Variants in SLC44A1 observed in about 807,000 individuals in gnomAD.
The protein encoded by SLC44A1 is solute carrier family 44 member 1.
A neutral mutation model predicts 79.3 loss-of-function variants in SLC44A1; 26 were observed. That is an observed-to-expected ratio of 0.33 (90% CI 0.24 to 0.46). The LOEUF is 0.46. SLC44A1 is among the 20% of genes least tolerant of loss of function. SLC44A1 has a pLI of 1.00. For synonymous variants in SLC44A1, 263 were observed against 286.2 expected, an observed-to-expected ratio of 0.92 and a Z score of 0.82; for missense variants, 688 against 798.1, an observed-to-expected ratio of 0.86 and a Z score of 1.66.
chr9:105,354,294 C>T (rs966347717), intron 5 of SLC44A1, among the ~76,000 whole-genome samples: 3 of 151,786 alleles, frequency 2.0e-5, no homozygotes, highest in Admixed American at 6.6e-5. Context: ...TCGTGATCCG[C>T]CCGCCTCGGC....
intron 1 of SLC44A1, among the ~76,000 whole-genome samples, chr9:105,293,657 G>GT (rs1471644415): frequency 6.6e-6 from 1 of 152,188 alleles, no homozygotes; most frequent in African/African-American, 2.4e-5. Context: ...GATCCCTCCA[G>GT]TGACGGCTAA....
intron 1 of SLC44A1, among the ~76,000 whole-genome samples, chr9:105,246,157 T>A (rs1829440450): frequency 6.6e-6 from 1 of 152,162 alleles, no homozygotes; most frequent in Non-Finnish European, 1.5e-5. Context: ...AACGCTAGTT[T>A]GGGGGGAAAA....
At chr9:105,244,927 C>A in intron 1 of SLC44A1, 23 bp downstream of exon 1, 1 of 1,171,436 alleles carries the variant, frequency 8.5e-7, no homozygotes, top group Non-Finnish European at 1.1e-6. Flanking sequence ...CGCCTCCCGG[C>A]CGCCCGCCCG....
At chr9:105,355,367 CTAAG>C (rs760471734) in intron 5 of SLC44A1, among the ~76,000 whole-genome samples, 80 of 152,146 alleles carry the variant, frequency 5.3e-4, no homozygotes, top group Non-Finnish European at 1.0e-3. Flanking sequence ...ATATAAATGA[CTAAG>C]TAATTGGTTA....
At position 105,304,943 on chromosome 9, in the gene SLC44A1, C is replaced by CGTTTTTTTTT. The variant is rs1344450517; in HGVS notation, c.127-4780_127-4771dup. 3.1e-3 allele frequency among the ~76,000 whole-genome samples: 70 copies of CGTTTTTTTTT among 22,796 alleles called. 29 individuals carry two copies. The highest frequency in any genetic ancestry group is 0.011 in the East Asian group (7 of 632). The allele number at this position is 22,796 out of a possible 152,430, so 15.0% of individuals were successfully genotyped here. A position where few individuals can be genotyped will look rare whatever the true frequency, so the allele number is the denominator to read the frequency against. On this transcript the variant is annotated intron_variant, in intron 2 of 15. Coordinates refer to ENST00000374720, the MANE Select transcript of SLC44A1 (RefSeq NM_080546.5). The stretch of plus-strand genomic sequence containing the variant: ...AGTAGTTATTCCCTAGACTTTCTAT[C>CGTTTTTTTTT]GTTTTTTTTTTTTTTTTTTTTTTTT...
chr9:105,350,200 A>G (rs1038851749), intron 5 of SLC44A1, among the ~76,000 whole-genome samples: 1 of 152,238 alleles, frequency 6.6e-6, no homozygotes, highest in Admixed American at 6.5e-5. Context: ...AGTGCATCAC[A>G]GTCTAAGTAT....
At chr9:105,338,575 C>G (rs1044961862) in intron 4 of SLC44A1, among the ~76,000 whole-genome samples, 5 of 152,004 alleles carry the variant, frequency 3.3e-5, no homozygotes, top group Non-Finnish European at 7.4e-5. Context: ...TCACCATGCC[C>G]AGATAATTTT....
chr9:105,430,949 G>A (rs1172609552), intron 15 of SLC44A1, among the ~76,000 whole-genome samples: 1 of 152,140 alleles, frequency 6.6e-6, no homozygotes, highest in African/African-American at 2.4e-5. Flanking sequence ...CCATCTTTTT[G>A]ATTATAGACA....
chr9:105,393,285 C>G lies in SLC44A1; in HGVS notation c.*4229C>G, dbSNP rs1376845027. On this transcript the variant is annotated 3_prime_UTR_variant, in exon 16 of 16. Coordinates refer to ENST00000374720, the MANE Select transcript of SLC44A1 (RefSeq NM_080546.5). Reference sequence around the variant, plus strand: ...AGTAGGCACTATTCATACACAGTAGCTTCTTGGAATTAACTCATCTTTGTT... The same window carrying G: ...AGTAGGCACTATTCATACACAGTAGGTTCTTGGAATTAACTCATCTTTGTT... The G allele has an allele frequency of 3.0e-6, 3 of 985,332 alleles. No homozygotes were observed. Among genetic ancestry groups the G allele is most frequent in the Non-Finnish European group, 3.6e-6 (3 of 829,920 alleles). The allele number at this position is 985,332 out of a possible 1,614,324, so 61.0% of individuals were successfully genotyped here.
intron 1 of SLC44A1, among the ~76,000 whole-genome samples, chr9:105,245,364 C>T (rs1250250575): frequency 2.0e-5 from 3 of 152,200 alleles, no homozygotes; most frequent in African/African-American, 4.8e-5. Flanking sequence ...AGCAAGAGCT[C>T]TTCACCTCTC....
chr9:105,361,099 G>C, intron 7 of SLC44A1, 92 bp from the exon 8 acceptor site: 1 of 1,236,426 alleles, frequency 8.1e-7, no homozygotes, highest in Admixed American at 1.7e-5. Context: ...GTCCCATGAT[G>C]ATCTGTAGGA....
chr9:105,372,933 G>C (rs1431524914), intron 12 of SLC44A1, among the ~76,000 whole-genome samples: 1 of 146,518 alleles, frequency 6.8e-6, no homozygotes, highest in Non-Finnish European at 1.5e-5. Flanking sequence ...CTGGGCGACA[G>C]AGCGAGACTC....
intron 3 of SLC44A1, 47 bp from the exon 4 acceptor site, chr9:105,335,516 A>C (rs763734888): frequency 5.3e-6 from 8 of 1,518,466 alleles, no homozygotes; most frequent in Non-Finnish European, 7.3e-6. Context: ...AGGGACCCAC[A>C]ATGTGTTTTG....
At chr9:105,277,813 A>T (rs929336099) in intron 1 of SLC44A1, among the ~76,000 whole-genome samples, 4 of 152,172 alleles carry the variant, frequency 2.6e-5, no homozygotes, top group African/African-American at 9.7e-5. Flanking sequence ...TTGTTGACAC[A>T]AGAGTACTAA....
intron 4 of SLC44A1, among the ~76,000 whole-genome samples, chr9:105,346,866 AT>A (rs1402832964): frequency 1.3e-5 from 2 of 152,110 alleles, no homozygotes; most frequent in Non-Finnish European, 2.9e-5. Flanking sequence ...GTAACTTGTA[AT>A]TATCGCTTTA....
At chr9:105,280,065 A>C (rs921061947) in intron 1 of SLC44A1, among the ~76,000 whole-genome samples, 15 of 152,270 alleles carry the variant, frequency 9.9e-5, no homozygotes, top group African/African-American at 3.6e-4. Flanking sequence ...AGGGACATAC[A>C]TTGTTTCTGA....
In SLC44A1 at chr9:105,390,071, T is replaced by C. The variant is rs1000658760; in HGVS notation, c.*1015T>C. On this transcript the variant is annotated 3_prime_UTR_variant, in exon 16 of 16. Transcript: ENST00000374720. ...AATCTGAAAACACACTGGCAGGTGC[T>C]CCTCTCCTTGGCAATTCATTGAGTA... is the stretch of plus-strand genomic sequence containing the variant. 5.3e-5 allele frequency: 67 copies of C among 1,275,908 alleles called. 1 individual carries two copies. In the Middle Eastern group the frequency reaches 1.4e-3, roughly 27 times the overall value. The allele number at this position is 1,275,908 out of a possible 1,614,324, so 79.0% of individuals were successfully genotyped here.
Position 105,314,624 on chromosome 9 carries a change from TAA to T in SLC44A1, c.269+4760_269+4761del, listed in dbSNP as rs143468775. Among the ~76,000 whole-genome samples the T allele has an allele frequency of 3.9e-3, 598 of 152,338 alleles. 2 individuals are homozygous for T. The highest frequency in any genetic ancestry group is 0.013 in the African/African-American group (553 of 41,590). ...AGGCATTTAAAGTCCCAGTCACTGA[TAA>T]AGTCTCCATTGCCCTAAAATGCCTC... On this transcript the variant is annotated intron_variant, in intron 3 of 15. Transcript: ENST00000374720.
intron 13 of SLC44A1, among the ~76,000 whole-genome samples, chr9:105,376,152 A>T (rs541326364): frequency 3.9e-5 from 6 of 152,264 alleles, no homozygotes; most frequent in African/African-American, 1.4e-4. Flanking sequence ...TATGTTTGGC[A>T]TGGAGAAGTA....
Sources: gnomAD v4.1 joint callset for allele counts (sites outside exome capture counted in the v4.1 genomes callset) on GRCh38, gnomAD v4.1.1 for gene constraint, MANE v1.5 for transcripts, NCBI Gene and HGNC (gene_info 2026-07-23, HGNC 2026-07-21) for gene names.